ZNF536: variants seen among roughly 807,000 people sequenced by gnomAD.
The protein encoded by ZNF536 is zinc finger protein 536.
In ZNF536, 13 loss-of-function variants were observed where a neutral mutation model predicts 84.5. The observed-to-expected ratio is 0.15, with a 90% CI of 0.10 to 0.24. ZNF536 has a LOEUF of 0.24. Among genes scored for constraint, ZNF536 ranks in the 10% least tolerant of loss-of-function variants. ZNF536 has a pLI of 1.00. For synonymous variants in ZNF536, 811 were observed against 742.5 expected, an observed-to-expected ratio of 1.09 and a Z score of -1.50; for missense variants, 1,536 against 1,747.5, an observed-to-expected ratio of 0.88 and a Z score of 2.16.
At chr19:30,593,527 T>TA (rs2047343539) in intron 1 of ZNF536, among the ~76,000 whole-genome samples, 1 of 152,262 alleles carries the variant, frequency 6.6e-6, no homozygotes, top group South Asian at 2.1e-4. Context: ...GAGCATTTCC[T>TA]AAAAAGGTAG....
intron 1 of ZNF536, among the ~76,000 whole-genome samples, chr19:30,672,618 A>G (rs2050599932): frequency 2.6e-5 from 4 of 152,244 alleles, no homozygotes; most frequent in Admixed American, 2.6e-4. Context: ...TAGTAAGAGC[A>G]TGGGGGAGAA....
At chr19:30,523,406 C>G (rs2044446894) in intron 2 of ZNF536, among the ~76,000 whole-genome samples, 2 of 152,170 alleles carry the variant, frequency 1.3e-5, no homozygotes, top group South Asian at 4.2e-4. Context: ...GATAAGGAAA[C>G]CAAGCCTCAG....
chr19:30,521,251 G>A (rs1352316625), intron 2 of ZNF536, among the ~76,000 whole-genome samples: 1 of 152,240 alleles, frequency 6.6e-6, no homozygotes, highest in Non-Finnish European at 1.5e-5. Context: ...GTGTCTCCCT[G>A]TGTTGAGGAG....
At chr19:30,687,632 G>A (rs909830617) in intron 1 of ZNF536, among the ~76,000 whole-genome samples, 5 of 152,118 alleles carry the variant, frequency 3.3e-5, no homozygotes, top group Non-Finnish European at 5.9e-5. Flanking sequence ...TCTATTTACT[G>A]TCGATGTGTA....
At chr19:30,414,231 A>G (rs2050618900) in intron 1 of ZNF536, among the ~76,000 whole-genome samples, 1 of 151,858 alleles carries the variant, frequency 6.6e-6, no homozygotes, top group Non-Finnish European at 1.5e-5. Flanking sequence ...TCCATTCTTA[A>G]ATTTTCAACC....
At chr19:30,616,339 G>A (rs1245556483) in intron 1 of ZNF536, among the ~76,000 whole-genome samples, 1 of 152,120 alleles carries the variant, frequency 6.6e-6, no homozygotes, top group Non-Finnish European at 1.5e-5. Flanking sequence ...TGACTATTTG[G>A]TTGATTGTTT....
intron 1 of ZNF536, among the ~76,000 whole-genome samples, chr19:30,692,602 C>A (rs994363580): frequency 1.4e-4 from 22 of 152,218 alleles, no homozygotes; most frequent in African/African-American, 5.3e-4. Context: ...AAACGGAACG[C>A]CGTTCTGCCA....
intron 2 of ZNF536, among the ~76,000 whole-genome samples, chr19:30,484,023 G>C (rs2054193810): frequency 6.6e-6 from 1 of 151,642 alleles, no homozygotes. Context: ...CCTTCCTTTG[G>C]AAGTCATCCC....
chr19:30,680,788 A>G (rs1029205479), intron 1 of ZNF536, among the ~76,000 whole-genome samples: 1 of 152,148 alleles, frequency 6.6e-6, no homozygotes. Context: ...TGGCTGGGTC[A>G]AATGGTATTT....
chr19:30,294,323 G>A (rs544984281), intron 2 of ZNF536, among the ~76,000 whole-genome samples: 2 of 152,224 alleles, frequency 1.3e-5, no homozygotes, highest in East Asian at 3.9e-4. Flanking sequence ...CTGCAATACT[G>A]CAAGAAAATA....
intron 3 of ZNF536, among the ~76,000 whole-genome samples, chr19:30,358,926 C>T (rs1473378276): frequency 6.6e-6 from 1 of 152,198 alleles, no homozygotes; most frequent in East Asian, 1.9e-4. Flanking sequence ...CAGGTCTCTT[C>T]ACTCTTGGGG....
chr19:30,296,244 G>A (rs1196164298), intron 2 of ZNF536: 1 of 152,414 alleles, frequency 6.6e-6, no homozygotes, highest in African/African-American at 2.4e-5. Flanking sequence ...TCCCTGATTG[G>A]TAAGGGCAGT....
intron 1 of ZNF536, among the ~76,000 whole-genome samples, chr19:30,411,641 C>T (rs980526747): frequency 1.3e-5 from 2 of 152,132 alleles, no homozygotes; most frequent in Non-Finnish European, 2.9e-5. Context: ...GGGCTTCTCT[C>T]TACCTGGTTC....
At chr19:30,465,508 G>A (rs962969265) in intron 2 of ZNF536, among the ~76,000 whole-genome samples, 8 of 152,170 alleles carry the variant, frequency 5.3e-5, no homozygotes, top group Non-Finnish European at 8.8e-5. Context: ...GGAGAGCAGG[G>A]TTGGTCCCTT....
chr19:30,619,922 T>A (rs1432306787), intron 1 of ZNF536, among the ~76,000 whole-genome samples: 1 of 152,182 alleles, frequency 6.6e-6, no homozygotes, highest in African/African-American at 2.4e-5. Flanking sequence ...TTTACATACA[T>A]ATCTGTTTAT....
chr19:30,424,145 C>A (rs139061444), intron 1 of ZNF536, among the ~76,000 whole-genome samples: 18 of 152,292 alleles, frequency 1.2e-4, no homozygotes, highest in African/African-American at 3.8e-4. Context: ...CATTTTCTTT[C>A]TCTCTGTAAC....
chr19:30,673,143 G>A (rs7247861), intron 1 of ZNF536, among the ~76,000 whole-genome samples: 46,776 of 151,962 alleles, frequency 0.31, 8,467 homozygotes, highest in African/African-American at 0.5. Context: ...CCGAGCCTCC[G>A]TTTCCTCATC....
intron 1 of ZNF536, among the ~76,000 whole-genome samples, chr19:30,384,205 A>T (rs4991162): frequency 0.69 from 27,646 of 39,882 alleles, 10,091 homozygotes; most frequent in Non-Finnish European, 0.76. Context: ...CCTTCCTTCC[A>T]TCCTCCCTCC....
chr19:30,324,523 C>A (rs1262858771), intron 2 of ZNF536, among the ~76,000 whole-genome samples: 1 of 152,252 alleles, frequency 6.6e-6, no homozygotes, highest in Non-Finnish European at 1.5e-5. Context: ...GCTGAGACCA[C>A]AGGCACATGC....
Sources: allele counts gnomAD v4.1 joint callset (sites outside exome capture counted in the v4.1 genomes callset), GRCh38; gene constraint gnomAD v4.1.1; transcripts MANE v1.5; gene names NCBI Gene and HGNC (gene_info 2026-07-23, HGNC 2026-07-21).